Variants in CCR5AS observed in about 807,000 individuals in gnomAD.
The protein encoded by CCR5AS is CCR5 antisense RNA.
At chr3:46,384,780 G>C (rs1432366441) in intron 2 of CCR5AS, among the ~76,000 whole-genome samples, 1 of 152,150 alleles carries the variant, frequency 6.6e-6, no homozygotes, top group Admixed American at 6.5e-5. Context: ...GCAAGGTATA[G>C]TCCAGGTGCC....
intron 2 of CCR5AS, chr3:46,375,388 C>T (rs181602248): frequency 6.0e-6 from 1 of 167,150 alleles, no homozygotes; most frequent in East Asian, 1.9e-4. Flanking sequence ...GCATTTAGCA[C>T]ATACTACACA....
chr3:46,371,619 C>T (rs1317474621), intron 2 of CCR5AS, among the ~76,000 whole-genome samples: 1 of 152,180 alleles, frequency 6.6e-6, no homozygotes, highest in African/African-American at 2.4e-5. Flanking sequence ...AAATTCTCAG[C>T]TAGAGCAGCT....
At chr3:46,377,304 C>A (rs1028798821) in intron 2 of CCR5AS, among the ~76,000 whole-genome samples, 10 of 152,334 alleles carry the variant, frequency 6.6e-5, no homozygotes, top group African/African-American at 2.2e-4. Context: ...CAACTCACGA[C>A]CTTCAGGATC....
intron 1 of CCR5AS, among the ~76,000 whole-genome samples, chr3:46,401,775 A>G (rs1254524018): frequency 2.7e-5 from 4 of 148,902 alleles, no homozygotes; most frequent in Admixed American, 6.7e-5. Flanking sequence ...TAATAATATT[A>G]ATTTATTAAT....
rs150803336 is a variant in CCR5AS, at chr3:46,390,478, C to A, written n.391+2347G>T. 2.7e-3 allele frequency among the ~76,000 whole-genome samples: 406 copies of A among 152,222 alleles called. 3 individuals are homozygous for A. Among genetic ancestry groups the A allele is most frequent in the Admixed American group, 7.1e-3 (109 of 15,290 alleles). ...GTTGAAACAGGCAGGTGATAACAGG[C>A]TTTAACCCTTTTAAAGCCTGCTGTG... On this transcript the variant is annotated intron_variant and non_coding_transcript_variant, in intron 2 of 3. Coordinates refer to ENST00000451485, the Ensembl canonical transcript of CCR5AS.
At chr3:46,394,779 A>C (rs144863368) in intron 1 of CCR5AS, among the ~76,000 whole-genome samples, 16 of 152,286 alleles carry the variant, frequency 1.1e-4, no homozygotes, top group African/African-American at 3.1e-4. Context: ...AAACTTCAGG[A>C]AATGGTAAGT....
chr3:46,373,617 A>C, intron 2 of CCR5AS: 1 of 1,614,020 alleles, frequency 6.2e-7, no homozygotes, highest in Non-Finnish European at 8.5e-7. Context: ...GCTTATCTTC[A>C]CCATCATGAT....
At chr3:46,390,285 G>A (rs1212390832) in intron 2 of CCR5AS, among the ~76,000 whole-genome samples, 2 of 152,086 alleles carry the variant, frequency 1.3e-5, no homozygotes, top group African/African-American at 4.8e-5. Context: ...GTTGTGGAAG[G>A]GTGTATTGAA....
chr3:46,383,888 C>A (rs1217501547), intron 2 of CCR5AS, among the ~76,000 whole-genome samples: 1 of 152,138 alleles, frequency 6.6e-6, no homozygotes, highest in Admixed American at 6.5e-5. Context: ...GAAAGAGAGT[C>A]CCTGTCCTTA....
chr3:46,383,268 T>C (rs1335034112), intron 2 of CCR5AS, among the ~76,000 whole-genome samples: 1 of 152,176 alleles, frequency 6.6e-6, no homozygotes, highest in East Asian at 1.9e-4. Flanking sequence ...TTTGAAAGCC[T>C]TTTAGGGTGG....
intron 1 of CCR5AS, among the ~76,000 whole-genome samples, chr3:46,405,791 A>G (rs1401936183): frequency 6.6e-6 from 1 of 151,998 alleles, no homozygotes; most frequent in Non-Finnish European, 1.5e-5. Flanking sequence ...GCTCAATCAC[A>G]TATTTGTCTG....
intron 2 of CCR5AS, among the ~76,000 whole-genome samples, chr3:46,384,894 TA>T (rs1559572477): frequency 7.0e-6 from 1 of 143,458 alleles, no homozygotes; most frequent in Non-Finnish European, 1.6e-5. Flanking sequence ...GATAGATAGA[TA>T]GATAGATAGA....
rs1559568547 is a variant in CCR5AS at position 46,373,625 on chromosome 3, G to T, written n.392-2208C>A. The T allele has an allele frequency of 3.1e-6, 5 of 1,614,054 alleles. No homozygotes were observed. In the African/African-American group the frequency reaches 6.7e-5, roughly 22 times the overall value. ...CTGTGAGGCTTATCTTCACCATCAT[G>T]ATTGTTTATTTTCTCTTCTGGGCTC... On this transcript the variant is annotated intron_variant and non_coding_transcript_variant, in intron 2 of 3. Coordinates refer to ENST00000451485, the Ensembl canonical transcript of CCR5AS.
exon 1 of CCR5AS, chr3:46,407,045 G>C (rs1199108562): frequency 6.6e-6 from 1 of 152,600 alleles, no homozygotes; most frequent in Non-Finnish European, 1.5e-5. Flanking sequence ...ACAGTAGCTG[G>C]TACCTGTTAC....
chr3:46,379,308 G>C (rs3181038), intron 2 of CCR5AS, among the ~76,000 whole-genome samples: 10,245 of 151,568 alleles, frequency 0.068, 510 homozygotes, highest in South Asian at 0.2. Flanking sequence ...TACTGAGAAT[G>C]ATGGTTTCCA....
intron 2 of CCR5AS, among the ~76,000 whole-genome samples, chr3:46,377,893 G>A (rs567334777): frequency 1.1e-4 from 16 of 152,212 alleles, no homozygotes; most frequent in Non-Finnish European, 1.8e-4. Flanking sequence ...TTTTAGTAGA[G>A]ACAGGGTTTC....
At chr3:46,390,245 AG>A (rs1327840669) in intron 2 of CCR5AS, among the ~76,000 whole-genome samples, 1 of 152,164 alleles carries the variant, frequency 6.6e-6, no homozygotes, top group Admixed American at 6.5e-5. Context: ...ATAGTAAAGA[AG>A]GCATCTTTGA....
At chr3:46,403,565 C>A (rs1018809608) in intron 1 of CCR5AS, among the ~76,000 whole-genome samples, 4 of 152,184 alleles carry the variant, frequency 2.6e-5, no homozygotes, top group Admixed American at 1.3e-4. Flanking sequence ...AAGGAAGGGG[C>A]GAACTCAAAA....
chr3:46,383,075 T>C (rs957675669), intron 2 of CCR5AS, among the ~76,000 whole-genome samples: 1 of 152,194 alleles, frequency 6.6e-6, no homozygotes, highest in East Asian at 1.9e-4. Context: ...CCCCAAACAG[T>C]GCACTTAGAC....
Sources: gnomAD v4.1 joint callset for allele counts (sites outside exome capture counted in the v4.1 genomes callset) on GRCh38, gnomAD v4.1.1 for gene constraint, MANE v1.5 for transcripts, NCBI Gene and HGNC (gene_info 2026-07-23, HGNC 2026-07-21) for gene names.